Variants in ZNF175 observed in about 807,000 individuals in gnomAD.
ZNF175 encodes the protein zinc finger protein OTK18.
ZNF175 carries 8 observed loss-of-function variants against 14.0 expected under a neutral mutation model. That is an observed-to-expected ratio of 0.57 (90% CI 0.34 to 1.03). The LOEUF (loss-of-function observed/expected upper bound fraction) is 1.03, where lower values mean the gene tolerates loss of function less well. Ranked by LOEUF, ZNF175 falls within the 50% of genes least tolerant of loss-of-function variation. The pLI is 0.03. For synonymous variants in ZNF175, 255 were observed against 296.8 expected (o/e 0.86, Z 1.45); for missense variants, 764 against 849.5 (o/e 0.90, Z 1.25).
chr19:51,577,819 A>C (rs377143074), intron 2 of ZNF175, among the ~76,000 whole-genome samples: 1 of 151,794 alleles, frequency 6.6e-6, no homozygotes, highest in South Asian at 2.1e-4. Flanking sequence ...GCCCGCCACC[A>C]CACCAAGCTA....
Position 51,588,003 on chromosome 19 carries a change from C to T in ZNF175, c.1672C>T (p.Pro558Ser). ...MHQRIHTGEK[P>S]YKCSECGKAF... ...TCAGAGAATTCACACCGGAGAGAAG[C>T]CTTACAAATGCAGTGAATGTGGGAA... Residue 558 changes from proline (P) to serine (S), a missense_variant, in exon 5 of 5, where the codon CCT becomes TCT. Pro to Ser is a moderately conservative substitution (Grantham distance 74, BLOSUM62 -1). Transcript: ENST00000262259. The T allele has an allele frequency of 6.2e-7, 1 of 1,614,154 alleles. No individual in the cohort carries two copies. The highest frequency in any genetic ancestry group is 1.1e-5 in the South Asian group (1 of 91,076).
chr19:51,591,145 C>T lies in ZNF175; in HGVS notation c.*2678C>T, dbSNP rs1910201439. On this transcript the variant is annotated 3_prime_UTR_variant, in exon 5 of 5. Coordinates refer to ENST00000262259, the MANE Select transcript of ZNF175 (RefSeq NM_007147.4). ...CTCGTTCCCTGGCCATCCCACACCT[C>T]TGACCTCGTGCCACTTCCGGGGCCT... is the stretch of plus-strand genomic sequence containing the variant. 6.5e-6 allele frequency: 1 copy of T among 152,826 alleles called. No homozygotes were observed. Among genetic ancestry groups the T allele is most frequent in the African/African-American group, 2.4e-5 (1 of 41,450 alleles). 9.5% of individuals were successfully genotyped at this position (152,826 alleles called of 1,614,324 possible).
At chr19:51,584,624 T>C (rs1018248754) in intron 4 of ZNF175, among the ~76,000 whole-genome samples, 8 of 152,138 alleles carry the variant, frequency 5.3e-5, no homozygotes, top group Admixed American at 4.6e-4. Context: ...AAAATTGCTA[T>C]TTAAGAGTGA....
rs147038454 is a variant in ZNF175 at position 51,587,995 on chromosome 19, G to A, written c.1664G>A (p.Gly555Glu). Residue 555 changes from glycine to glutamate, a missense_variant, in exon 5 of 5, where the codon GGA (glycine) becomes GAA (glutamate). Physicochemically the swap from Gly to Glu is moderately conservative, Grantham distance 98 (BLOSUM62 -2). Transcript: ENST00000262259. The stretch of plus-strand genomic sequence containing the variant: ...AGCATGCATCAGAGAATTCACACCG[G>A]AGAGAAGCCTTACAAATGCAGTGAA... ...ILSMHQRIHT[G>E]EKPYKCSECG... The A allele has an allele frequency of 1.2e-6, 2 of 1,614,056 alleles. No individual in the cohort carries two copies. Among genetic ancestry groups the A allele is most frequent in the Non-Finnish European group, 1.7e-6 (2 of 1,180,036 alleles).
Position 51,573,567 on chromosome 19 carries a change from A to G in ZNF175, c.72+166A>G, listed in dbSNP as rs1981669031. ...ATAGGCTATCTGTGTTCTAGAGGAAACCATGAACTGGCTGATAAAAGAGGA... is the reference window on the plus strand; with the variant it reads ...ATAGGCTATCTGTGTTCTAGAGGAAGCCATGAACTGGCTGATAAAAGAGGA... On this transcript the variant is annotated intron_variant, in intron 2 of 4. Transcript: ENST00000262259. The G allele has an allele frequency of 8.0e-6, 5 of 627,072 alleles. No homozygotes were observed. In the South Asian group the frequency reaches 1.1e-4, roughly 14 times the overall value. The allele number at this position is 627,072 out of a possible 1,614,324, so 38.8% of individuals were successfully genotyped here.
intron 4 of ZNF175, among the ~76,000 whole-genome samples, chr19:51,582,488 A>G (rs1482264759): frequency 1.3e-5 from 2 of 152,128 alleles, no homozygotes; most frequent in Non-Finnish European, 2.9e-5. Context: ...TAGTAGAGAC[A>G]GGGTTTCACC....
intron 2 of ZNF175, among the ~76,000 whole-genome samples, chr19:51,579,529 A>G (rs1013721261): frequency 2.6e-5 from 4 of 152,146 alleles, no homozygotes; most frequent in South Asian, 2.1e-4. Flanking sequence ...GCTCAGCTTC[A>G]TTAGTCATCT....
At chr19:51,581,619 T>C in intron 3 of ZNF175, 102 bp downstream of exon 3, 5 of 1,535,402 alleles carry the variant, frequency 3.3e-6, no homozygotes, top group Non-Finnish European at 3.5e-6. Context: ...GTCATGACTC[T>C]TTTATCGGTT....
Position 51,592,452 on chromosome 19 carries a change from T to C in ZNF175, c.*3985T>C, listed in dbSNP as rs1982381912. The C allele has an allele frequency of 1.8e-6, 1 of 554,824 alleles. No homozygotes were observed. The highest frequency in any genetic ancestry group is 2.6e-5 in the South Asian group (1 of 38,832). The allele number at this position is 554,824 out of a possible 1,614,324, so 34.4% of individuals were successfully genotyped here. On this transcript the variant is annotated 3_prime_UTR_variant, in exon 5 of 5. Transcript: ENST00000262259. ...GTACAACACAAATGCTCGTTCTTAA[T>C]GATTCAACAAACATGGAATTTCATT...
intron 4 of ZNF175, among the ~76,000 whole-genome samples, chr19:51,582,873 G>A (rs955266129): frequency 2.0e-5 from 3 of 150,582 alleles, no homozygotes; most frequent in African/African-American, 7.3e-5. Flanking sequence ...TCTTTTTTTT[G>A]AGGCAGAGTT....
rs1216281846 is a variant in ZNF175, at chr19:51,591,528, G to A, written c.*3061G>A. 1 of 152,204 alleles carries A rather than the reference G, an allele frequency of 6.6e-6. No homozygotes were observed. The allele number at this position is 152,204 out of a possible 1,614,324, so 9.4% of individuals were successfully genotyped here. A position where few individuals can be genotyped will look rare whatever the true frequency, so the allele number is the denominator to read the frequency against. Reference sequence around the variant, plus strand: ...AGGTCAAGAGTTTTGAGTTTCCAGAGGGAGAAGCTACTATTCTAGGCAGCT... The same window carrying A: ...AGGTCAAGAGTTTTGAGTTTCCAGAAGGAGAAGCTACTATTCTAGGCAGCT... On this transcript the variant is annotated 3_prime_UTR_variant, in exon 5 of 5. Coordinates refer to ENST00000262259, the MANE Select transcript of ZNF175 (RefSeq NM_007147.4).
In ZNF175 at chr19:51,588,436, G is replaced by C. The variant is rs973186921; in HGVS notation, c.2105G>C (p.Ser702Thr). The C allele has an allele frequency of 1.3e-6, 2 of 1,579,882 alleles. No individual in the cohort carries two copies. The highest frequency in any genetic ancestry group is 1.7e-6 in the Non-Finnish European group (2 of 1,165,762). ...THTRDKSYKC[S>T]YSVKGFTKQ Reference sequence around the variant, plus strand: ...ACCAGAGACAAATCTTACAAATGCAGTTATTCTGTGAAAGGCTTTACCAAG... The same window carrying C: ...ACCAGAGACAAATCTTACAAATGCACTTATTCTGTGAAAGGCTTTACCAAG... The change falls in exon 5 of 5, where the codon AGT (serine) becomes ACT (threonine). Residue 702 changes from serine (S) to threonine (T), a missense_variant. Physicochemically the swap from Ser to Thr is moderately conservative, Grantham distance 58 (BLOSUM62 1). Coordinates refer to ENST00000262259, the MANE Select transcript of ZNF175 (RefSeq NM_007147.4).
intron 2 of ZNF175, among the ~76,000 whole-genome samples, chr19:51,575,207 AG>A (rs200208167): frequency 0.06 from 7,154 of 118,322 alleles, 1,138 homozygotes; most frequent in African/African-American, 0.11. Flanking sequence ...ATTTTTAGAG[AG>A]GTTTTTTTTT....
At position 51,588,136 on chromosome 19, in the gene ZNF175, T is replaced by G. The variant is rs776286023; in HGVS notation, c.1805T>G (p.Phe602Cys). Residue 602 changes from phenylalanine to cysteine, a missense_variant, in exon 5 of 5, where the codon TTC becomes TGC. Transcript: ENST00000262259. ...CGKAFNGRSN[F>C]HKHQITHTRE... ...AAGGCCTTCAACGGCAGGTCAAATT[T>G]CCATAAACATCAAATAACTCACACT... 6.2e-7 allele frequency: 1 copy of G among 1,614,116 alleles called. No homozygotes were observed. Among genetic ancestry groups the G allele is most frequent in the South Asian group, 1.1e-5 (1 of 91,082 alleles).
rs1982193904 is a variant in ZNF175, at chr19:51,587,172, T to G, written c.841T>G (p.Cys281Gly). 6.2e-7 allele frequency: 1 copy of G among 1,614,080 alleles called. No individual in the cohort carries two copies. The highest frequency in any genetic ancestry group is 1.3e-5 in the African/African-American group (1 of 74,932). ...TCATACTCAGAAGAAACCAGATGGA[T>G]GTTCTGAATGTGGGGGGAGCTTCAC... ...QIHTQKKPDG[C>G]SECGGSFTQK... The change falls in exon 5 of 5, where the codon TGT becomes GGT. Residue 281 changes from cysteine (C) to glycine (G), a missense_variant. Cys to Gly is a radical substitution (Grantham distance 159). Coordinates refer to ENST00000262259, the MANE Select transcript of ZNF175 (RefSeq NM_007147.4).
Position 51,588,573 on chromosome 19 carries a change from C to A in ZNF175, c.*106C>A. The A allele has an allele frequency of 7.6e-7, 1 of 1,322,436 alleles. No individual in the cohort carries two copies. Among genetic ancestry groups the A allele is most frequent in the Non-Finnish European group, 1.0e-6 (1 of 998,844 alleles). The allele number at this position is 1,322,436 out of a possible 1,614,324, so 81.9% of individuals were successfully genotyped here. ...CTAATTATATGTTATTGAATTCATG[C>A]TTCAGAAAAACTCTAGGGATGCACT... is the stretch of plus-strand genomic sequence containing the variant. On this transcript the variant is annotated 3_prime_UTR_variant, in exon 5 of 5. Coordinates refer to ENST00000262259, the MANE Select transcript of ZNF175 (RefSeq NM_007147.4).
chr19:51,585,472 TG>T (rs1982135501), intron 4 of ZNF175, among the ~76,000 whole-genome samples: 1 of 149,110 alleles, frequency 6.7e-6, no homozygotes, highest in Non-Finnish European at 1.5e-5. Context: ...TATGCACTTT[TG>T]CTACAATAAG....
At chr19:51,583,698 AT>A (rs1982084112) in intron 4 of ZNF175, among the ~76,000 whole-genome samples, 1 of 152,182 alleles carries the variant, frequency 6.6e-6, no homozygotes. Flanking sequence ...AGGCAGTTCT[AT>A]TTCCTACTGT....
Position 51,581,055 on chromosome 19 carries a change from T to G in ZNF175, c.73-336T>G, listed in dbSNP as rs560580502. On this transcript the variant is annotated intron_variant, in intron 2 of 4. Coordinates refer to ENST00000262259, the MANE Select transcript of ZNF175 (RefSeq NM_007147.4). ...AGTAGAAGCTTATGTAATTCTGTGT[T>G]GAGCACCAGAACCCAGCTCAACTAC... Among the ~76,000 whole-genome samples, 6 of 152,260 alleles carry G rather than the reference T, an allele frequency of 3.9e-5. No homozygotes were observed. In the South Asian group the frequency reaches 8.3e-4, roughly 21 times the overall value.
Sources: allele counts gnomAD v4.1 joint callset (sites outside exome capture counted in the v4.1 genomes callset), GRCh38; gene constraint gnomAD v4.1.1; transcripts MANE v1.5; gene names NCBI Gene and HGNC (gene_info 2026-07-23, HGNC 2026-07-21).